Variants in MFHAS1 observed in about 807,000 individuals in gnomAD.
The protein encoded by MFHAS1 is malignant fibrous histiocytoma-amplified sequence 1.
MFHAS1 carries 50 observed loss-of-function variants against 70.4 expected under a neutral mutation model. The observed-to-expected ratio is 0.71, with a 90% CI of 0.57 to 0.90. MFHAS1 has a LOEUF of 0.90. Among genes scored for constraint, MFHAS1 ranks in the 40% least tolerant of loss-of-function variants. The pLI is 0.00. For missense variants in MFHAS1, 1,795 were observed against 1,347.6 expected (o/e 1.33, Z -5.20); for synonymous variants, 952 against 620.0 (o/e 1.54, Z -7.96).
chr8:8,811,893 C>T (rs560117174), intron 1 of MFHAS1, among the ~76,000 whole-genome samples: 4 of 152,210 alleles, frequency 2.6e-5, no homozygotes, highest in Non-Finnish European at 4.4e-5. Context: ...TCCACACCCT[C>T]TTCTTCCACA....
In MFHAS1 at chr8:8,785,858, C is replaced by A; in HGVS notation, c.*164G>T. 1 of 384,334 alleles carries A rather than the reference C, an allele frequency of 2.6e-6. No individual in the cohort carries two copies. Among genetic ancestry groups the A allele is most frequent in the Non-Finnish European group, 5.3e-6 (1 of 189,148 alleles). 23.8% of individuals were successfully genotyped at this position (384,334 alleles called of 1,614,324 possible). A position where few individuals can be genotyped will look rare whatever the true frequency, so the allele number is the denominator to read the frequency against. ...TCCATGCTTCCCCCCACCACCCCCT[C>A]CCCACCTCTTCCCCAGTCGTCCAAA... is the stretch of plus-strand genomic sequence containing the variant. On this transcript the variant is annotated 3_prime_UTR_variant, in exon 3 of 3. Coordinates refer to ENST00000276282, the MANE Select transcript of MFHAS1 (RefSeq NM_004225.3).
intron 1 of MFHAS1, among the ~76,000 whole-genome samples, chr8:8,839,301 T>C (rs1807716694): frequency 6.6e-6 from 1 of 152,190 alleles, no homozygotes; most frequent in Non-Finnish European, 1.5e-5. Flanking sequence ...CACATCTTCA[T>C]CCAACATATG....
At chr8:8,824,221 G>A (rs191004997) in intron 1 of MFHAS1, among the ~76,000 whole-genome samples, 29 of 151,842 alleles carry the variant, frequency 1.9e-4, no homozygotes, top group African/African-American at 6.0e-4. Context: ...GGGGCTCTGC[G>A]GGGAGCAGGA....
At chr8:8,844,645 C>CGAGA (rs1440244761) in intron 1 of MFHAS1, among the ~76,000 whole-genome samples, 1 of 152,244 alleles carries the variant, frequency 6.6e-6, no homozygotes, top group Non-Finnish European at 1.5e-5. Flanking sequence ...GCCTCCTTCT[C>CGAGA]AGACCATCTC....
intron 1 of MFHAS1, among the ~76,000 whole-genome samples, chr8:8,822,993 C>T (rs1382552214): frequency 6.6e-6 from 1 of 152,086 alleles, no homozygotes; most frequent in African/African-American, 2.4e-5. Flanking sequence ...CATGGGATCC[C>T]GCACAGAGGA....
Position 8,890,717 on chromosome 8 carries a change from C to G in MFHAS1, c.2342G>C (p.Arg781Pro). 6.2e-7 allele frequency: 1 copy of G among 1,613,566 alleles called. No homozygotes were observed. Among genetic ancestry groups the G allele is most frequent in the Non-Finnish European group, 8.5e-7 (1 of 1,179,712 alleles). ...ARSTPSQELL[R>P]ATQLHQYVEG... The stretch of plus-strand genomic sequence containing the variant: ...CACATACTGATGGAGCTGGGTGGCC[C>G]GGAGCAGTTCCTGGCTGGGGGTGGA... Residue 781 changes from arginine to proline, a missense_variant, in exon 1 of 3, where the codon CGG (arginine) becomes CCG (proline). Physicochemically the swap from Arg to Pro is moderately radical, Grantham distance 103. Transcript: ENST00000276282.
intron 1 of MFHAS1, among the ~76,000 whole-genome samples, chr8:8,834,622 G>A (rs1373116498): frequency 1.3e-5 from 2 of 152,202 alleles, no homozygotes; most frequent in Admixed American, 1.3e-4. Flanking sequence ...TAGCCTAGGT[G>A]CATAATAGGT....
intron 1 of MFHAS1, among the ~76,000 whole-genome samples, chr8:8,802,664 G>C (rs1806121983): frequency 6.6e-6 from 1 of 152,216 alleles, no homozygotes; most frequent in African/African-American, 2.4e-5. Flanking sequence ...TGGAGAAGCT[G>C]GCTGGACTGC....
At position 8,890,905 on chromosome 8, in the gene MFHAS1, G is replaced by A. The variant is rs1185832370; in HGVS notation, c.2154C>T (p.Asp718=). 6.2e-6 allele frequency: 10 copies of A among 1,614,030 alleles called. No individual in the cohort carries two copies. Among genetic ancestry groups the A allele is most frequent in the Non-Finnish European group, 8.5e-6 (10 of 1,180,044 alleles). The change falls in exon 1 of 3, where the codon GAC becomes GAT. Residue 718 remains aspartate, a synonymous_variant. Coordinates refer to ENST00000276282, the MANE Select transcript of MFHAS1 (RefSeq NM_004225.3). The part of the protein sequence containing the change: ...HESGKLLYFE[D]SPALKEHVFH... The stretch of plus-strand genomic sequence containing the variant: ...AGACGTGCTCCTTGAGAGCCGGACT[G>A]TCCTCAAAGTAGAGTAGCTTGCCGC...
chr8:8,847,090 CA>C (rs1461521232), intron 1 of MFHAS1, among the ~76,000 whole-genome samples: 1 of 152,166 alleles, frequency 6.6e-6, no homozygotes, highest in Non-Finnish European at 1.5e-5. Context: ...GAGGAATCAC[CA>C]AAATGAGGCT....
intron 1 of MFHAS1, among the ~76,000 whole-genome samples, chr8:8,852,307 C>A (rs547611226): frequency 6.6e-6 from 1 of 152,124 alleles, no homozygotes; most frequent in East Asian, 1.9e-4. Context: ...AACCTCATCT[C>A]TACTAAAAAT....
intron 1 of MFHAS1, among the ~76,000 whole-genome samples, chr8:8,859,636 A>G (rs925943693): frequency 2.0e-5 from 3 of 152,210 alleles, no homozygotes; most frequent in African/African-American, 7.2e-5. Flanking sequence ...CCATTTAAGG[A>G]ACAGTAAATA....
At position 8,890,380 on chromosome 8, in the gene MFHAS1, C is replaced by G; in HGVS notation, c.2679G>C (p.Gly893=). 6.2e-7 allele frequency: 1 copy of G among 1,614,178 alleles called. No homozygotes were observed. Among genetic ancestry groups the G allele is most frequent in the Non-Finnish European group, 8.5e-7 (1 of 1,180,046 alleles). Residue 893 remains glycine, a synonymous_variant, in exon 1 of 3, where the codon GGG becomes GGC. Transcript: ENST00000276282. ...EYSFPFTFPL[G]LFARYSVQIN... is the part of the protein sequence containing the mutation. ...TCTGGACACTGTAGCGTGCAAACAA[C>G]CCAAGTGGAAAAGTAAAAGGAAAGC... is the stretch of plus-strand genomic sequence containing the variant.
intron 2 of MFHAS1, among the ~76,000 whole-genome samples, chr8:8,797,150 T>TAAA (rs11355520): frequency 0.19 from 27,056 of 141,216 alleles, 2,743 homozygotes; most frequent in African/African-American, 0.25. Context: ...TTAGCTAAAG[T>TAAA]AAAAAAAAAA....
chr8:8,840,000 G>C (rs1807742929), intron 1 of MFHAS1, among the ~76,000 whole-genome samples: 1 of 152,146 alleles, frequency 6.6e-6, no homozygotes. Context: ...CTTAATTCTA[G>C]TAAATGGATA....
intron 1 of MFHAS1, among the ~76,000 whole-genome samples, chr8:8,880,042 G>A (rs554248001): frequency 7.2e-5 from 11 of 152,238 alleles, no homozygotes; most frequent in South Asian, 2.1e-4. Flanking sequence ...TACGGAGCTC[G>A]TGTATGTCAC....
chr8:8,821,122 G>A (rs1378469595), intron 1 of MFHAS1, among the ~76,000 whole-genome samples: 12 of 152,068 alleles, frequency 7.9e-5, no homozygotes, highest in East Asian at 1.9e-4. Context: ...CAGGTCCAAC[G>A]GCCACTCCCT....
Position 8,892,618 on chromosome 8 carries a change from C to A in MFHAS1, c.441G>T (p.Leu147=). The change falls in exon 1 of 3, where the codon CTG becomes CTT. Residue 147 remains leucine, a synonymous_variant. Coordinates refer to ENST00000276282, the MANE Select transcript of MFHAS1 (RefSeq NM_004225.3). This position sits in a 1 kb window ranked among gnomAD's most constrained non-coding sequence, Gnocchi z 4.7. ...LRKLNLSHNQ[L]PALPAQLGAL... ...CGCCCAGCTGGGCGGGCAGGGCGGG[C>A]AGCTGGTTGTGGCTGAGGTTGAGCT... 1.2e-6 allele frequency: 2 copies of A among 1,607,592 alleles called. No homozygotes were observed. Among genetic ancestry groups the A allele is most frequent in the Non-Finnish European group, 8.5e-7 (1 of 1,177,582 alleles).
chr8:8,824,951 G>A (rs758453149), intron 1 of MFHAS1, among the ~76,000 whole-genome samples: 21 of 152,234 alleles, frequency 1.4e-4, no homozygotes, highest in Non-Finnish European at 1.6e-4. Flanking sequence ...CCCAGGCCAC[G>A]TTTAGCATTT....
Sources: gnomAD v4.1 joint callset for allele counts (sites outside exome capture counted in the v4.1 genomes callset) on GRCh38, gnomAD v4.1.1 for gene constraint, Gnocchi (gnomAD v3.1) non-coding constraint, MANE v1.5 for transcripts, NCBI Gene and HGNC (gene_info 2026-07-23, HGNC 2026-07-21) for gene names.